The following ANK3 variants were observed in gnomAD, a reference collection of about 807,000 sequenced individuals.
ANK3 encodes ankyrin 3, also known as ankyrin-3.
A neutral mutation model predicts 370.9 loss-of-function variants in ANK3; 57 were observed. That is an observed-to-expected ratio of 0.15 (90% CI 0.12 to 0.19). ANK3 has a LOEUF of 0.19. Ranked by LOEUF, ANK3 falls within the 10% of genes least tolerant of loss-of-function variation. ANK3 has a pLI of 1.00. For synonymous variants in ANK3, 1,929 were observed against 1,946.3 expected (o/e 0.99, Z 0.23); for missense variants, 4,439 against 5,302.1 (o/e 0.84, Z 5.06).
At position 60,088,184 on chromosome 10, in the gene ANK3, T is replaced by A. The variant is rs1223290898; in HGVS notation, c.3503A>T (p.Glu1168Val). Residue 1168 changes from glutamate (E) to valine (V), a missense_variant, in exon 29 of 44, where the codon GAG (glutamate) becomes GTG (valine). By Grantham distance (121) the Glu-to-Val change is moderately radical. Coordinates refer to ENST00000280772, the MANE Select transcript of ANK3 (RefSeq NM_020987.5). ...TCGAATTCTTTTAGTTAGGGCACCC[T>A]CTGGGAAAGATGCTTGAACAAGGGG... ...TVPLVQASFP[E>V]GALTKRIRVG... 6.2e-7 allele frequency: 1 copy of A among 1,614,204 alleles called. No homozygotes were observed. Among genetic ancestry groups the A allele is most frequent in the South Asian group, 1.1e-5 (1 of 91,088 alleles).
chr10:60,272,080 C>CT (rs1238751358), intron 4 of ANK3, among the ~76,000 whole-genome samples: 3 of 129,220 alleles, frequency 2.3e-5, no homozygotes, highest in Non-Finnish European at 4.8e-5. Flanking sequence ...ACTTGGAACA[C>CT]TGTGGGATTT....
At chr10:60,036,247 T>C (rs1303130905) in intron 43 of ANK3, among the ~76,000 whole-genome samples, 1 of 152,036 alleles carries the variant, frequency 6.6e-6, no homozygotes, top group Non-Finnish European at 1.5e-5. Flanking sequence ...TCTCCCACTG[T>C]TATATTCTAG....
chr10:60,524,186 TA>T (rs2076415865), intron 2 of ANK3, among the ~76,000 whole-genome samples: 1 of 152,108 alleles, frequency 6.6e-6, no homozygotes, highest in South Asian at 2.1e-4. Flanking sequence ...TCTCCTGGAC[TA>T]AATCAAATCT....
chr10:60,089,668 G>C (rs968772275), intron 28 of ANK3, among the ~76,000 whole-genome samples: 2 of 152,018 alleles, frequency 1.3e-5, no homozygotes, highest in African/African-American at 4.8e-5. Context: ...ATGATATTAA[G>C]ATTTACTCAG....
At chr10:60,463,493 C>T (rs2064939352) in intron 2 of ANK3, among the ~76,000 whole-genome samples, 1 of 152,094 alleles carries the variant, frequency 6.6e-6, no homozygotes, top group African/African-American at 2.4e-5. Flanking sequence ...GGTAAAATCA[C>T]TCAACTATTT....
chr10:60,496,811 G>A (rs1020548519), intron 2 of ANK3, among the ~76,000 whole-genome samples: 5 of 151,246 alleles, frequency 3.3e-5, no homozygotes, highest in South Asian at 2.1e-4. Flanking sequence ...CTGCTTGGCC[G>A]GGAGGTAGGT....
chr10:60,668,457 C>T (rs941557427), intron 1 of ANK3, among the ~76,000 whole-genome samples: 13 of 146,980 alleles, frequency 8.8e-5, no homozygotes, highest in African/African-American at 3.0e-4. Flanking sequence ...ACCAGCTTTA[C>T]AATATAAAGA....
chr10:60,345,397 A>G (rs2055219214), intron 1 of ANK3, among the ~76,000 whole-genome samples: 1 of 152,146 alleles, frequency 6.6e-6, no homozygotes. Context: ...TTGGTCATTT[A>G]GATTACCTGT....
At chr10:60,429,348 T>G (rs771299026) in intron 2 of ANK3, among the ~76,000 whole-genome samples, 1 of 151,810 alleles carries the variant, frequency 6.6e-6, no homozygotes, top group Non-Finnish European at 1.5e-5. Context: ...GGGACTTATA[T>G]AAGGAGATGT....
At position 60,076,088 on chromosome 10, in the gene ANK3, G is replaced by T; in HGVS notation, c.4793C>A (p.Thr1598Asn). Residue 1598 changes from threonine to asparagine, a missense_variant, in exon 37 of 44, where the codon ACC (threonine) becomes AAC (asparagine). Around this residue, in one of 13 missense-constraint regions of ANK3, gnomAD observed 679 missense variants for 791.0 expected, o/e 0.86. Coordinates refer to ENST00000280772, the MANE Select transcript of ANK3 (RefSeq NM_020987.5). ...CGTGACTGCTGGAGCTCTAGCCAGG[G>T]TACCAGAGGAAACTTGGATATTGTA... ...SPYNIQVSSG[T>N]LARAPAVTEA... The T allele has an allele frequency of 6.2e-7, 1 of 1,614,166 alleles. No individual in the cohort carries two copies. Among genetic ancestry groups the T allele is most frequent in the Non-Finnish European group, 8.5e-7 (1 of 1,180,014 alleles).
chr10:60,594,953 G>T (rs1371876977), intron 2 of ANK3, among the ~76,000 whole-genome samples: 2 of 151,962 alleles, frequency 1.3e-5, no homozygotes, highest in Admixed American at 1.3e-4. Flanking sequence ...TGGCTTAATG[G>T]GATCCTTTAG....
At chr10:60,328,003 TTAAA>T (rs1424224446) in intron 1 of ANK3, among the ~76,000 whole-genome samples, 10 of 152,116 alleles carry the variant, frequency 6.6e-5, no homozygotes, top group African/African-American at 2.2e-4. Flanking sequence ...TTGACATCAA[TTAAA>T]TAAACTCTTT....
intron 1 of ANK3, 45 bp downstream of exon 1, chr10:60,389,380 C>G: frequency 6.3e-7 from 1 of 1,581,906 alleles, no homozygotes. Context: ...GAGATTAAAA[C>G]AAAAAGAATC....
intron 7 of ANK3, among the ~76,000 whole-genome samples, chr10:60,241,337 G>A (rs1388417144): frequency 6.6e-6 from 1 of 152,142 alleles, no homozygotes; most frequent in Non-Finnish European, 1.5e-5. Flanking sequence ...AAATACGATT[G>A]TAATTTTATA....
intron 1 of ANK3, among the ~76,000 whole-genome samples, chr10:60,370,956 C>T (rs1457339496): frequency 6.6e-6 from 1 of 152,144 alleles, no homozygotes; most frequent in Non-Finnish European, 1.5e-5. Flanking sequence ...AAACCAATCC[C>T]TGTGCATTCC....
chr10:60,698,556 G>A (rs1425759775), intron 1 of ANK3, among the ~76,000 whole-genome samples: 1 of 149,114 alleles, frequency 6.7e-6, no homozygotes, highest in Non-Finnish European at 1.5e-5. Context: ...TATACACCAT[G>A]GAATACTATG....
At chr10:60,666,290 G>A (rs531816417) in intron 1 of ANK3, among the ~76,000 whole-genome samples, 22 of 152,234 alleles carry the variant, frequency 1.4e-4, no homozygotes, top group African/African-American at 4.6e-4. Flanking sequence ...AGTGAAATAA[G>A]CCAGTCACAA....
chr10:60,386,656 A>C (rs1022634398), intron 1 of ANK3, among the ~76,000 whole-genome samples: 1 of 152,128 alleles, frequency 6.6e-6, no homozygotes, highest in African/African-American at 2.4e-5. Flanking sequence ...TGTTAAGTCT[A>C]CATATGTATT....
chr10:60,440,864 G>T (rs563631120), intron 2 of ANK3, among the ~76,000 whole-genome samples: 2 of 152,244 alleles, frequency 1.3e-5, no homozygotes, highest in South Asian at 4.1e-4. Flanking sequence ...GTGGCATATA[G>T]CCTCAACAAT....
Sources: gnomAD v4.1 joint callset for allele counts (sites outside exome capture counted in the v4.1 genomes callset) on GRCh38, gnomAD v4.1.1 for gene constraint, gnomAD v4.1.1 regional missense constraint, MANE v1.5 for transcripts, NCBI Gene and HGNC (gene_info 2026-07-23, HGNC 2026-07-21) for gene names.